Variants in CACNA1F observed in about 807,000 individuals in gnomAD.
The protein encoded by CACNA1F is calcium voltage-gated channel subunit alpha1 F, also known as voltage-dependent L-type calcium channel subunit alpha-1F.
In CACNA1F, 59 loss-of-function variants were observed where a neutral mutation model predicts 143.8. The observed-to-expected ratio is 0.41, with a 90% CI of 0.33 to 0.51. CACNA1F has a LOEUF of 0.51. Among genes scored for constraint, CACNA1F ranks in the 20% least tolerant of loss-of-function variants. CACNA1F has a pLI of 0.22. For synonymous variants in CACNA1F, 643 were observed against 649.1 expected (o/e 0.99, Z 0.14); for missense variants, 1,411 against 1,647.5 (o/e 0.86, Z 2.48).
intron 13 of CACNA1F, 31 bp downstream of exon 13, chrX:49,225,878 G>T (rs1331225826): frequency 1.7e-6 from 2 of 1,158,215 alleles, no homozygotes; most frequent in Non-Finnish European, 2.3e-6. Context: ...ATAGGAGGCT[G>T]GGGGAGACGA....
Position 49,231,880 on chromosome X carries a change from C to T in CACNA1F, c.73G>A (p.Glu25Lys), listed in dbSNP as rs1557111471. 10 of 1,181,041 alleles carry T rather than the reference C, an allele frequency of 8.5e-6. No individual in the cohort carries two copies. The highest frequency in any genetic ancestry group is 2.3e-4 in the Middle Eastern group (1 of 4,310). The change falls in exon 2 of 48, where the codon GAA becomes AAA. Residue 25 changes from glutamate (E) to lysine (K), a missense_variant. Around this residue, in one of 3 missense-constraint regions of CACNA1F, gnomAD observed 950 missense variants for 1,128.1 expected, o/e 0.84. Coordinates refer to ENST00000323022, the MANE Select transcript of CACNA1F (RefSeq NM_001256789.3). ...GGGGGCCCGGGGCACAGCCCCCATT[C>T]GGGACCAGGGCCTGCCCCATTGGCT... ...SPANGAGPGPEWGLCPGPPAV... is the reference protein window; with the variant it reads ...SPANGAGPGPKWGLCPGPPAV...
At position 49,219,634 on chromosome X, in the gene CACNA1F, G is replaced by A. The variant is rs781998969; in HGVS notation, c.2543C>T (p.Pro848Leu). The part of the protein sequence containing the change: ...SAFFCLSQTN[P>L]LRKGCHTLIH... ...ACCCCCTGCCACTTCCGGCACTCAC[G>A]GGTTGGTTTGGCTGAGGCAGAAGAA... is the stretch of plus-strand genomic sequence containing the variant. Residue 848 changes from proline to leucine, a missense_variant and splice_region_variant, in exon 20 of 48, where the codon CCG becomes CTG. Pro to Leu is a moderately conservative substitution (Grantham distance 98, BLOSUM62 -3). Around this residue, in one of 3 missense-constraint regions of CACNA1F, gnomAD observed 950 missense variants for 1,128.1 expected, o/e 0.84. Coordinates refer to ENST00000323022, the MANE Select transcript of CACNA1F (RefSeq NM_001256789.3). 3.3e-6 allele frequency: 4 copies of A among 1,201,180 alleles called. No individual in the cohort carries two copies. The highest frequency in any genetic ancestry group is 6.0e-5 in the East Asian group (2 of 33,353).
At chrX:49,222,882 C>T (rs199574931) in intron 15 of CACNA1F, 44 bp from the exon 16 acceptor site, 1 of 1,208,469 alleles carries the variant, frequency 8.3e-7, no homozygotes, top group African/African-American at 1.8e-5. Flanking sequence ...CCCCCTCCAA[C>T]TCCAGGGTCT....
chrX:49,211,874 G>A (rs1200860520), intron 35 of CACNA1F, 24 bp downstream of exon 35: 8 of 1,173,065 alleles, frequency 6.8e-6, no homozygotes, highest in Non-Finnish European at 9.3e-6. Flanking sequence ...GGCATAAGGT[G>A]GCAGGGGAGT....
chrX:49,226,055 C>A lies in CACNA1F; in HGVS notation c.1505G>T (p.Arg502Leu). 8.4e-7 allele frequency: 1 copy of A among 1,187,234 alleles called. No individual in the cohort carries two copies. Among genetic ancestry groups the A allele is most frequent in the Non-Finnish European group, 1.1e-6 (1 of 883,170 alleles). The change falls in exon 13 of 48, where the codon CGA (arginine) becomes CTA (leucine). Residue 502 changes from arginine to leucine, a missense_variant. By Grantham distance (102) the Arg-to-Leu change is moderately radical. This residue lies in a region of CACNA1F where 950 missense variants were observed against 1,128.1 expected (regional missense o/e 0.84). Coordinates refer to ENST00000323022, the MANE Select transcript of CACNA1F (RefSeq NM_001256789.3). ...GCGTGCCCGAAGGACCCGGTTGGCT[C>A]GGCGGAGGCGGCGGCTGGGGGAAGG... is the stretch of plus-strand genomic sequence containing the variant. ...MKTRVCRRLR[R>L]ANRVLRARCR...
Position 49,216,384 on chromosome X carries a change from A to C in CACNA1F, c.3234T>G (p.Pro1078=), listed in dbSNP as rs1557107386. ...AAACCCAGGGCCCTGTCCCTCACGC[A>C]GGCCAGCCTTCAAAGGTGGAGACAG... The part of the protein sequence containing the change: ...LFTVSTFEGW[P]ALLYKAIDAY... Residue 1078 remains proline, a splice_region_variant and synonymous_variant, in exon 27 of 48, where the codon CCT becomes CCG. Transcript: ENST00000323022. The C allele has an allele frequency of 8.3e-7, 1 of 1,210,890 alleles. No homozygotes were observed. The highest frequency in any genetic ancestry group is 1.1e-6 in the Non-Finnish European group (1 of 894,661).
At position 49,231,574 on chromosome X, in the gene CACNA1F, C is replaced by T; in HGVS notation, c.275+104G>A. 7 of 1,055,293 alleles carry T rather than the reference C, an allele frequency of 6.6e-6. No individual in the cohort carries two copies. The South Asian group carries it at 1.3e-4, about 20-fold the overall frequency. 87.0% of individuals were successfully genotyped at this position (1,055,293 alleles called of 1,213,427 possible). On this transcript the variant is annotated intron_variant, in intron 2 of 47. Coordinates refer to ENST00000323022, the MANE Select transcript of CACNA1F (RefSeq NM_001256789.3). ...CCCAACCCAGTTCTTGACTCTTGAC[C>T]TTGATGATCTCAGCCCTCCTCTGTT...
intron 30 of CACNA1F, 81 bp from the exon 31 acceptor site, chrX:49,213,983 C>T (rs907296913): frequency 4.0e-5 from 29 of 728,471 alleles, no homozygotes; most frequent in Non-Finnish European, 5.5e-5. Flanking sequence ...TAGGGGGCGC[C>T]GGAGGGGGGC....
In CACNA1F at chrX:49,218,934, C is replaced by A. The variant is rs2065747069; in HGVS notation, c.2681G>T (p.Gly894Val). 5.0e-6 allele frequency: 6 copies of A among 1,205,322 alleles called. No homozygotes were observed. Among genetic ancestry groups the A allele is most frequent in the Non-Finnish European group, 6.7e-6 (6 of 890,461 alleles). The change falls in exon 22 of 48, where the codon GGT (glycine) becomes GTT (valine). Residue 894 changes from glycine to valine, a missense_variant. By Grantham distance (109) the Gly-to-Val change is moderately radical (BLOSUM62 -3). Coordinates refer to ENST00000323022, the MANE Select transcript of CACNA1F (RefSeq NM_001256789.3). ...RAHSFRNHIL[G>V]YFDYAFTSIF... Reference sequence around the variant, plus strand: ...GGAGGTGAAGGCATAATCGAAGTAACCCAGAATCTGGGGTGTGAGAAAGAG... The same window carrying A: ...GGAGGTGAAGGCATAATCGAAGTAAACCAGAATCTGGGGTGTGAGAAAGAG...
intron 43 of CACNA1F, 96 bp downstream of exon 43, chrX:49,208,411 GCCCTCCCT>G: frequency 4.8e-6 from 2 of 414,480 alleles, no homozygotes; most frequent in Non-Finnish European, 8.5e-6. Context: ...AGGCCTCTAG[GCCCTCCCT>G]CCCACCCCCC....
At chrX:49,219,034 G>C in intron 21 of CACNA1F, 93 bp from the exon 22 acceptor site, 6 of 843,768 alleles carry the variant, frequency 7.1e-6, no homozygotes, top group Non-Finnish European at 1.0e-5. Context: ...GAAAGATTAG[G>C]GTTCAAATTT....
At chrX:49,231,352 C>T (rs781824842) in intron 2 of CACNA1F, 45 bp from the exon 3 acceptor site, 2 of 923,537 alleles carry the variant, frequency 2.2e-6, no homozygotes, top group Non-Finnish European at 3.1e-6. Flanking sequence ...GGCATTGGAA[C>T]CCCCCTACTC....
Position 49,209,921 on chromosome X carries a change from C to G in CACNA1F, c.4690+20G>C. 4.3e-6 allele frequency: 5 copies of G among 1,162,527 alleles called. No individual in the cohort carries two copies. Among genetic ancestry groups the G allele is most frequent in the Non-Finnish European group, 5.9e-6 (5 of 850,623 alleles). On this transcript the variant is annotated intron_variant, in intron 40 of 47. Transcript: ENST00000323022. ...GCCATTCAGGGGCTGGCGCGGGGAA[C>G]TGGGGCGGGGATAGCTCACCGTCTG...
chrX:49,212,587 T>A (rs972077963), intron 33 of CACNA1F, 80 bp downstream of exon 33: 1 of 1,030,468 alleles, frequency 9.7e-7, no homozygotes, highest in Non-Finnish European at 1.4e-6. Flanking sequence ...GGAGATGTAG[T>A]TCTGAGGGTG....
chrX:49,226,059 G>A lies in CACNA1F; in HGVS notation c.1501C>T (p.Arg501Cys), dbSNP rs782441666. The change falls in exon 13 of 48, where the codon CGC becomes TGC. Residue 501 changes from arginine (R) to cysteine (C), a missense_variant. Arg to Cys is a radical substitution (Grantham distance 180). Around this residue, in one of 3 missense-constraint regions of CACNA1F, gnomAD observed 950 missense variants for 1,128.1 expected, o/e 0.84. Coordinates refer to ENST00000323022, the MANE Select transcript of CACNA1F (RefSeq NM_001256789.3). ...GCCCGAAGGACCCGGTTGGCTCGGC[G>A]GAGGCGGCGGCTGGGGGAAGGGGAG... ...IMKTRVCRRL[R>C]RANRVLRARC... is the part of the protein sequence containing the mutation. 8.4e-6 allele frequency: 10 copies of A among 1,189,062 alleles called. No individual in the cohort carries two copies. In the South Asian group the frequency reaches 1.1e-4, roughly 13 times the overall value.
chrX:49,224,660 G>C, intron 14 of CACNA1F, 101 bp downstream of exon 14: 2 of 582,573 alleles, frequency 3.4e-6, no homozygotes, highest in Non-Finnish European at 5.9e-6. Flanking sequence ...ATGGATGTCT[G>C]CTCAATGAAT....
intron 8 of CACNA1F, among the ~76,000 whole-genome samples, chrX:49,227,523 A>G (rs1402711881): frequency 9.0e-6 from 1 of 111,317 alleles, no homozygotes; most frequent in Non-Finnish European, 1.9e-5. Flanking sequence ...ATGAAGTCTC[A>G]CTATGTTGCC....
chrX:49,224,464 A>G lies in CACNA1F; in HGVS notation c.1877+297T>C, dbSNP rs181680117. Among the ~76,000 whole-genome samples, 7 of 110,065 alleles carry G rather than the reference A, an allele frequency of 6.4e-5. No homozygotes were observed. The East Asian group carries it at 2.0e-3, about 31-fold the overall frequency. On this transcript the variant is annotated intron_variant, in intron 14 of 47. Transcript: ENST00000323022. ...GGTTGGGATGGGGTTTGGGCTGGGA[A>G]TAGTATGGCATTGAAATCGGAGACA... is the stretch of plus-strand genomic sequence containing the variant.
chrX:49,224,022 G>A (rs1487361872), intron 14 of CACNA1F, among the ~76,000 whole-genome samples: 2 of 111,338 alleles, frequency 1.8e-5, no homozygotes, highest in East Asian at 2.8e-4. Flanking sequence ...GTGAGCCACC[G>A]CATCCAGCCT....
Sources: allele counts gnomAD v4.1 joint callset (sites outside exome capture counted in the v4.1 genomes callset), GRCh38; gene constraint gnomAD v4.1.1; regional missense constraint gnomAD v4.1.1; transcripts MANE v1.5; gene names NCBI Gene and HGNC (gene_info 2026-07-23, HGNC 2026-07-21).